Variants in CENPL observed in about 807,000 individuals in gnomAD.
CENPL encodes centromere protein L.
In CENPL, 20 loss-of-function variants were observed where a neutral mutation model predicts 35.2. The ratio of observed to expected loss-of-function variants is 0.57; its 90% confidence interval spans 0.40 to 0.83. CENPL has a LOEUF of 0.83. Ranked by LOEUF, CENPL falls within the 40% of genes least tolerant of loss-of-function variation. The probability of loss-of-function intolerance (pLI) is 0.00; values close to 1 mark genes in which losing one functional copy is unlikely to be tolerated. For missense variants in CENPL, 363 were observed against 395.8 expected (o/e 0.92, Z 0.70); for synonymous variants, 140 against 140.6 (o/e 1.00, Z 0.03).
At chr1:173,822,914 T>A (rs1652105271) in intron 2 of CENPL, 1 of 152,162 alleles carries the variant, frequency 6.6e-6, no homozygotes, top group African/African-American at 2.4e-5. Flanking sequence ...ATTTTTGTAT[T>A]TTTTGGTAGA....
intron 2 of CENPL, among the ~76,000 whole-genome samples, chr1:173,817,266 GAT>G (rs1361355889): frequency 1.3e-5 from 2 of 151,950 alleles, no homozygotes; most frequent in Non-Finnish European, 2.9e-5. Flanking sequence ...CAGACAAAGG[GAT>G]AATATCCAGA....
At chr1:173,806,749 C>G (rs2102573567) in intron 4 of CENPL, among the ~76,000 whole-genome samples, 1 of 152,040 alleles carries the variant, frequency 6.6e-6, no homozygotes, top group South Asian at 2.1e-4. Flanking sequence ...TCTCAAACTC[C>G]TAGGCTCAGG....
intron 2 of CENPL, among the ~76,000 whole-genome samples, chr1:173,816,123 C>G (rs1339405283): frequency 3.3e-5 from 5 of 152,156 alleles, no homozygotes; most frequent in Non-Finnish European, 7.4e-5. Context: ...ATCCAACTTA[C>G]AAGGGATGTG....
chr1:173,807,636 A>T (rs1650356519), intron 3 of CENPL, 118 bp from the exon 4 acceptor site: 1 of 779,488 alleles, frequency 1.3e-6, no homozygotes. Flanking sequence ...TTTGCACTCC[A>T]ACCAAATGAG....
Position 173,818,001 on chromosome 1 carries a change from T to A in CENPL, c.-8+5925A>T, listed in dbSNP as rs182345193. 3.5e-3 allele frequency among the ~76,000 whole-genome samples: 531 copies of A among 152,044 alleles called. 3 individuals are homozygous for A. Among genetic ancestry groups the A allele is most frequent in the African/African-American group, 0.011 (454 of 41,454 alleles). On this transcript the variant is annotated intron_variant, in intron 2 of 5. Transcript: ENST00000682279. ...GGGGAATATCACATACCGGGGCCTG[T>A]CGAGGGGTCAGTGGCTGGGGGAGGG...
At chr1:173,810,836 G>A (rs1650743426) in intron 3 of CENPL, among the ~76,000 whole-genome samples, 1 of 152,126 alleles carries the variant, frequency 6.6e-6, no homozygotes, top group African/African-American at 2.4e-5. Flanking sequence ...CAGGAGAATG[G>A]CCGCCAGGAG....
chr1:173,815,377 C>A lies in CENPL; in HGVS notation c.-7-4071G>T, dbSNP rs547024836. ...CTGATGCCAAAGCCTGGCAGAGACA[C>A]AACAAAAAAAGAGAATTTTGGACCA... On this transcript the variant is annotated intron_variant, in intron 2 of 5. Coordinates refer to ENST00000682279, the MANE Select transcript of CENPL (RefSeq NM_001387287.1). Among the ~76,000 whole-genome samples, 4 of 152,140 alleles carry A rather than the reference C, an allele frequency of 2.6e-5. No individual in the cohort carries two copies. In the East Asian group the frequency reaches 7.7e-4, roughly 29 times the overall value.
chr1:173,813,838 A>C (rs1220639065), intron 2 of CENPL, among the ~76,000 whole-genome samples: 1 of 152,176 alleles, frequency 6.6e-6, no homozygotes, highest in African/African-American at 2.4e-5. Flanking sequence ...TTAACCTTAA[A>C]TGTAAATGGA....
At position 173,824,348 on chromosome 1, in the gene CENPL, G is replaced by GA. The variant is rs1404909313; in HGVS notation, c.-239dup. 1 of 152,362 alleles carries GA rather than the reference G, an allele frequency of 6.6e-6. No individual in the cohort carries two copies. The highest frequency in any genetic ancestry group is 1.5e-5 in the Non-Finnish European group (1 of 68,132). The allele number at this position is 152,362 out of a possible 1,614,324, so 9.4% of individuals were successfully genotyped here. On this transcript the variant is annotated 5_prime_UTR_variant, in exon 1 of 6. An upstream open reading frame in the 5' UTR gains an earlier in-frame stop. Coordinates refer to ENST00000682279, the MANE Select transcript of CENPL (RefSeq NM_001387287.1). The stretch of plus-strand genomic sequence containing the variant: ...AGCCCAGCTCTGAAATCAAGCCGTT[G>GA]AGAAAAGGGAATTCGGCCCTCCGCC...
intron 3 of CENPL, 107 bp downstream of exon 3, chr1:173,811,025 T>A: frequency 1.1e-6 from 1 of 906,096 alleles, no homozygotes; most frequent in Admixed American, 2.3e-5. Context: ...TTTTATTAGC[T>A]GAGGGGTTAA....
chr1:173,808,137 G>T (rs1650412504), intron 3 of CENPL, among the ~76,000 whole-genome samples: 1 of 152,190 alleles, frequency 6.6e-6, no homozygotes, highest in Non-Finnish European at 1.5e-5. Flanking sequence ...GCCAGGCACA[G>T]TGGCTGACGA....
chr1:173,804,576 A>G (rs1650042903), intron 4 of CENPL, among the ~76,000 whole-genome samples: 1 of 152,192 alleles, frequency 6.6e-6, no homozygotes, highest in Non-Finnish European at 1.5e-5. Context: ...GTAATCTCAG[A>G]TTGCAGTTTT....
At chr1:173,815,165 A>G (rs1156831855) in intron 2 of CENPL, among the ~76,000 whole-genome samples, 1 of 152,220 alleles carries the variant, frequency 6.6e-6, no homozygotes, top group Non-Finnish European at 1.5e-5. Flanking sequence ...ATAGAACAAT[A>G]ACAGGCTCTG....
At chr1:173,812,362 C>A (rs1343259784) in intron 2 of CENPL, among the ~76,000 whole-genome samples, 1 of 152,258 alleles carries the variant, frequency 6.6e-6, no homozygotes, top group African/African-American at 2.4e-5. Context: ...CAGACTGCCT[C>A]CTCAAGTGGG....
intron 5 of CENPL, among the ~76,000 whole-genome samples, chr1:173,801,183 T>G (rs1649716299): frequency 6.6e-6 from 1 of 152,168 alleles, no homozygotes; most frequent in Admixed American, 6.6e-5. Flanking sequence ...TAAACCTATC[T>G]TGGCCTCAGT....
At chr1:173,816,011 G>A (rs1399127176) in intron 2 of CENPL, among the ~76,000 whole-genome samples, 3 of 152,152 alleles carry the variant, frequency 2.0e-5, no homozygotes, top group African/African-American at 4.8e-5. Flanking sequence ...AAATCAATGT[G>A]CAAAAATCAC....
intron 2 of CENPL, among the ~76,000 whole-genome samples, chr1:173,818,150 T>C (rs1488015916): frequency 6.6e-6 from 1 of 152,056 alleles, no homozygotes; most frequent in Non-Finnish European, 1.5e-5. Context: ...ACTTAAAGTA[T>C]AATTTAAAAA....
intron 4 of CENPL, among the ~76,000 whole-genome samples, 178 bp from the exon 5 acceptor site, chr1:173,803,683 T>A (rs1159523232): frequency 1.3e-5 from 2 of 151,988 alleles, no homozygotes; most frequent in African/African-American, 4.8e-5. Flanking sequence ...TGGCCTTTTT[T>A]TTTTTTGAGA....
At chr1:173,822,212 C>T (rs1037300519) in intron 2 of CENPL, 22 of 152,254 alleles carry the variant, frequency 1.4e-4, no homozygotes, top group Admixed American at 7.2e-4. Flanking sequence ...AGAAACTGTA[C>T]TTTCGAAGAT....
Sources: gnomAD v4.1 joint callset for allele counts (sites outside exome capture counted in the v4.1 genomes callset) on GRCh38, gnomAD v4.1.1 for gene constraint, MANE v1.5 for transcripts, NCBI Gene and HGNC (gene_info 2026-07-23, HGNC 2026-07-21) for gene names.